The following SCGB2B2 variants were observed in gnomAD, a reference collection of about 807,000 sequenced individuals.
SCGB2B2 encodes secretoglobin-like protein.
In SCGB2B2, 11 loss-of-function variants were observed where a neutral mutation model predicts 7.6. That is an observed-to-expected ratio of 1.45 (90% CI 0.91 to 2.40). SCGB2B2 has a LOEUF of 2.40. Among genes scored for constraint, SCGB2B2 ranks in the 30% most tolerant of loss-of-function variants. The pLI, the probability that SCGB2B2 is intolerant of heterozygous loss-of-function variation, is 0.00. For synonymous variants in SCGB2B2, 50 were observed against 48.6 expected (o/e 1.03, Z -0.12); for missense variants, 104 against 115.4 (o/e 0.90, Z 0.45).
intron 1 of SCGB2B2, among the ~76,000 whole-genome samples, chr19:34,601,786 T>C (rs1451856511): frequency 1.3e-5 from 2 of 152,212 alleles, no homozygotes; most frequent in Non-Finnish European, 2.9e-5. Flanking sequence ...CCTCAGATTT[T>C]TACTTGTCTT....
intron 1 of SCGB2B2, among the ~76,000 whole-genome samples, chr19:34,668,346 T>G (rs766836350): frequency 7.9e-5 from 12 of 152,182 alleles, no homozygotes; most frequent in Non-Finnish European, 1.6e-4. Context: ...GGCCAGCAAC[T>G]GCTGTGCTCA....
At chr19:34,663,970 C>T (rs972751801) in intron 1 of SCGB2B2, among the ~76,000 whole-genome samples, 27 of 148,848 alleles carry the variant, frequency 1.8e-4, no homozygotes, top group Admixed American at 1.5e-3. Context: ...TTGTCCTCCC[C>T]GCCCACCCCA....
intron 1 of SCGB2B2, among the ~76,000 whole-genome samples, chr19:34,598,168 T>C (rs1406033965): frequency 6.6e-6 from 1 of 152,212 alleles, no homozygotes; most frequent in East Asian, 1.9e-4. Context: ...GTCAGGGCCC[T>C]AGAGCTCCCG....
At chr19:34,604,303 A>G (rs997213987) in intron 1 of SCGB2B2, among the ~76,000 whole-genome samples, 4 of 152,204 alleles carry the variant, frequency 2.6e-5, no homozygotes, top group African/African-American at 9.7e-5. Flanking sequence ...CCATGCAGTT[A>G]GTCTTTCCTT....
Position 34,628,923 on chromosome 19 carries a change from A to G in SCGB2B2, c.-2031-32329T>C, listed in dbSNP as rs572571382. ...GCACATCAAAAAGCTTATCCACCAC[A>G]ATCAAGTTGGCTTCATCCCTGGGAT... On this transcript the variant is annotated intron_variant, in intron 1 of 3. Coordinates refer to ENST00000601241, the MANE Select transcript of SCGB2B2 (RefSeq NM_001025591.4). 2.0e-5 allele frequency among the ~76,000 whole-genome samples: 3 copies of G among 151,986 alleles called. No homozygotes were observed. In the South Asian group the frequency reaches 6.2e-4, roughly 32 times the overall value.
At chr19:34,608,339 T>C (rs562972447) in intron 1 of SCGB2B2, among the ~76,000 whole-genome samples, 1 of 151,942 alleles carries the variant, frequency 6.6e-6, no homozygotes, top group South Asian at 2.1e-4. Context: ...TTATCAGTAA[T>C]TTAACAATAA....
At chr19:34,645,042 G>A (rs578033225) in intron 1 of SCGB2B2, among the ~76,000 whole-genome samples, 43 of 152,356 alleles carry the variant, frequency 2.8e-4, no homozygotes, top group Non-Finnish European at 6.2e-4. Flanking sequence ...TCCAGAGCCT[G>A]TGCTCCTTCC....
chr19:34,630,840 A>G (rs1401935462), intron 1 of SCGB2B2, among the ~76,000 whole-genome samples: 1 of 152,032 alleles, frequency 6.6e-6, no homozygotes, highest in Non-Finnish European at 1.5e-5. Context: ...CACTATTCAC[A>G]ATAGCAAAGA....
chr19:34,645,496 G>A (rs932226235), intron 1 of SCGB2B2: 2 of 172,084 alleles, frequency 1.2e-5, no homozygotes, highest in African/African-American at 2.4e-5. Context: ...CCCCACTTAT[G>A]TGCATACACA....
At chr19:34,609,073 G>A (rs1185302132) in intron 1 of SCGB2B2, among the ~76,000 whole-genome samples, 3 of 151,952 alleles carry the variant, frequency 2.0e-5, no homozygotes, top group East Asian at 1.9e-4. Flanking sequence ...GATGACTGGC[G>A]ATGTTGACCA....
chr19:34,591,885 C>T lies in SCGB2B2; in HGVS notation c.*1670G>A, dbSNP rs1310627077. 6.6e-6 allele frequency among the ~76,000 whole-genome samples: 1 copy of T among 152,170 alleles called. No individual in the cohort carries two copies. The highest frequency in any genetic ancestry group is 2.4e-5 in the African/African-American group (1 of 41,440). On this transcript the variant is annotated 3_prime_UTR_variant, in exon 4 of 4. Transcript: ENST00000601241. The stretch of plus-strand genomic sequence containing the variant: ...GTCCTTGTGGTTCTCATCACTATTA[C>T]AATTTTCTTGAGCTTTGCAACCCCC...
intron 1 of SCGB2B2, among the ~76,000 whole-genome samples, chr19:34,642,506 G>T (rs1297753347): frequency 6.6e-6 from 1 of 151,960 alleles, no homozygotes; most frequent in African/African-American, 2.4e-5. Context: ...ACGAGGTCAG[G>T]AGTTCAAGAC....
rs185387592 is a variant in SCGB2B2, at chr19:34,656,232, C to A, written c.-2032+19398G>T. On this transcript the variant is annotated intron_variant, in intron 1 of 3. Coordinates refer to ENST00000601241, the MANE Select transcript of SCGB2B2 (RefSeq NM_001025591.4). ...TTGATGTAATTTAACACATTCAGAG[C>A]CTAAGGGAAAAAACTGTATGCATAT... is the stretch of plus-strand genomic sequence containing the variant. Among the ~76,000 whole-genome samples, 256 of 151,248 alleles carry A rather than the reference C, an allele frequency of 1.7e-3. 19 individuals are homozygous for A. Among genetic ancestry groups the A allele is most frequent in the African/African-American group, 6.1e-3 (247 of 40,606 alleles).
rs8109188 is a variant in SCGB2B2, at chr19:34,634,507, G to A, written c.-2031-37913C>T. On this transcript the variant is annotated intron_variant, in intron 1 of 3. Coordinates refer to ENST00000601241, the MANE Select transcript of SCGB2B2 (RefSeq NM_001025591.4). ...CACACGGAATCTCTCCAGCATGGAT[G>A]TCCAGATGTGAGATTAACTTTTGGC... Among the ~76,000 whole-genome samples the A allele has an allele frequency of 3.1e-3, 472 of 151,968 alleles. 1 individual carries two copies. The highest frequency in any genetic ancestry group is 0.011 in the African/African-American group (451 of 41,394).
intron 1 of SCGB2B2, among the ~76,000 whole-genome samples, chr19:34,617,993 G>A (rs999648322): frequency 9.2e-5 from 14 of 151,708 alleles, no homozygotes; most frequent in African/African-American, 3.2e-4. Context: ...GCTTCGGCTC[G>A]TGCACGGTGC....
intron 1 of SCGB2B2, among the ~76,000 whole-genome samples, chr19:34,603,023 A>AT (rs2065675112): frequency 6.6e-6 from 1 of 152,106 alleles, no homozygotes; most frequent in African/African-American, 2.4e-5. Context: ...TCTGCATGGG[A>AT]TTTTCTTTGC....
intron 1 of SCGB2B2, chr19:34,637,896 T>C (rs1363947262): frequency 2.0e-5 from 3 of 152,218 alleles, no homozygotes; most frequent in South Asian, 2.1e-4. Flanking sequence ...TCTTAAGAGT[T>C]TGAATGTTTT....
chr19:34,588,147 T>C (rs918233456), downstream of SCGB2B2, among the ~76,000 whole-genome samples: 2 of 152,338 alleles, frequency 1.3e-5, no homozygotes, highest in East Asian at 1.9e-4. Flanking sequence ...AGTGAAGCCA[T>C]TGGAGTCTGG....
At chr19:34,609,600 G>A (rs535153356) in intron 1 of SCGB2B2, among the ~76,000 whole-genome samples, 5 of 152,130 alleles carry the variant, frequency 3.3e-5, no homozygotes, top group African/African-American at 1.2e-4. Flanking sequence ...AAATGTTCTT[G>A]GCACCTTTGT....
Sources: allele counts gnomAD v4.1 joint callset (sites outside exome capture counted in the v4.1 genomes callset), GRCh38; gene constraint gnomAD v4.1.1; transcripts MANE v1.5; gene names NCBI Gene and HGNC (gene_info 2026-07-23, HGNC 2026-07-21).